The following MAF variants were observed in gnomAD, a reference collection of about 807,000 sequenced individuals.
MAF encodes the protein transcription factor Maf.
Under a neutral mutation model 22.0 loss-of-function variants are expected in MAF, and 10 were observed. The ratio of observed to expected loss-of-function variants is 0.45; its 90% CI spans 0.28 to 0.77. The LOEUF (loss-of-function observed/expected upper bound fraction) is 0.77. Ranked by LOEUF, MAF falls within the 30% of genes least tolerant of loss-of-function variation. The pLI is 0.12. For synonymous variants in MAF, 337 were observed against 255.8 expected, an observed-to-expected ratio of 1.32 and a Z score of -3.03; for missense variants, 544 against 548.4, an observed-to-expected ratio of 0.99 and a Z score of 0.08.
the MAF span, among the ~76,000 whole-genome samples, chr16:79,249,379 A>G: frequency 0.45 from 66,922 of 147,664 alleles, 15,663 homozygotes; most frequent in Non-Finnish European, 0.52. Context: ...AGATCATGCC[A>G]CTGCACTCCA....
the MAF span, among the ~76,000 whole-genome samples, chr16:79,279,323 A>T: frequency 2.0e-5 from 3 of 152,296 alleles, no homozygotes; most frequent in South Asian, 6.2e-4. Context: ...AGTGGGAATG[A>T]CAGCAATACC....
At chr16:79,290,061 T>C in the MAF span, among the ~76,000 whole-genome samples, 1 of 152,184 alleles carries the variant, frequency 6.6e-6, no homozygotes, top group East Asian at 1.9e-4. Context: ...TTCACCATGT[T>C]GGCCAGGCAC....
the MAF span, among the ~76,000 whole-genome samples, chr16:79,529,143 A>C: frequency 3.3e-5 from 5 of 152,186 alleles, no homozygotes; most frequent in Non-Finnish European, 7.3e-5. Context: ...CCTGAAGCAG[A>C]TTGGGATGTG....
At chr16:79,280,131 C>G in the MAF span, among the ~76,000 whole-genome samples, 2 of 152,226 alleles carry the variant, frequency 1.3e-5, no homozygotes, top group Non-Finnish European at 2.9e-5. Context: ...ATTTTCAGCT[C>G]TCTTTAAGAA....
chr16:79,416,159 C>T, the MAF span, among the ~76,000 whole-genome samples: 4 of 152,108 alleles, frequency 2.6e-5, no homozygotes, highest in Non-Finnish European at 4.4e-5. Context: ...GGAAGTGGGG[C>T]GATTGCTCAC....
the MAF span, among the ~76,000 whole-genome samples, chr16:79,575,981 AG>A: frequency 6.6e-6 from 1 of 152,080 alleles, no homozygotes; most frequent in Non-Finnish European, 1.5e-5. Context: ...GAAATCCCAC[AG>A]GGAGCCTATG....
At chr16:79,373,359 C>CTTTTTTTT in the MAF span, among the ~76,000 whole-genome samples, 50 of 33,326 alleles carry the variant, frequency 1.5e-3, 19 homozygotes, top group Non-Finnish European at 2.6e-3. Context: ...GGACTGGTAG[C>CTTTTTTTT]TTTTTTTTTT....
chr16:79,258,888 C>T, the MAF span, among the ~76,000 whole-genome samples: 2 of 152,128 alleles, frequency 1.3e-5, no homozygotes, highest in African/African-American at 2.4e-5. Flanking sequence ...CACTGCTGTG[C>T]GACTAGGGGA....
the MAF span, among the ~76,000 whole-genome samples, chr16:79,541,012 T>C: frequency 6.6e-6 from 1 of 151,854 alleles, no homozygotes; most frequent in African/African-American, 2.4e-5. Flanking sequence ...TTTTTAGCAC[T>C]ACATCACACT....
chr16:79,573,587 T>C, the MAF span, among the ~76,000 whole-genome samples: 1 of 152,226 alleles, frequency 6.6e-6, no homozygotes, highest in Non-Finnish European at 1.5e-5. Flanking sequence ...TATTTGTTTC[T>C]ATATCCTCAG....
chr16:79,330,024 T>G, the MAF span, among the ~76,000 whole-genome samples: 1 of 152,146 alleles, frequency 6.6e-6, no homozygotes, highest in African/African-American at 2.4e-5. Context: ...AAATTCAACC[T>G]TACTGATTAT....
chr16:79,230,016 AAAG>A, the MAF span, among the ~76,000 whole-genome samples: 3 of 152,072 alleles, frequency 2.0e-5, no homozygotes, highest in Non-Finnish European at 2.9e-5. Flanking sequence ...AAAAAGAATA[AAAG>A]CACTACACTG....
At chr16:79,242,769 T>C in the MAF span, among the ~76,000 whole-genome samples, 95 of 151,996 alleles carry the variant, frequency 6.3e-4, 2 homozygotes, top group Non-Finnish European at 1.1e-3. Context: ...CAGCACCACA[T>C]TGCACTTATT....
At chr16:79,415,343 A>ACAGGCAGG in the MAF span, among the ~76,000 whole-genome samples, 4 of 149,836 alleles carry the variant, frequency 2.7e-5, no homozygotes, top group South Asian at 6.5e-4. Flanking sequence ...GGGAGGATGA[A>ACAGGCAGG]CAGGCAGGCA....
intron 1 of MAF, chr16:79,596,881 T>C (rs1913559541): frequency 9.5e-7 from 1 of 1,050,584 alleles, no homozygotes. Context: ...CTAAACAGTT[T>C]TGCAATTTTT....
At chr16:79,562,222 C>A in the MAF span, among the ~76,000 whole-genome samples, 2 of 152,296 alleles carry the variant, frequency 1.3e-5, no homozygotes, top group African/African-American at 2.4e-5. Flanking sequence ...CTTTACGGTA[C>A]TTGGCATAAT....
the MAF span, chr16:79,516,016 GA>G: frequency 7.6e-6 from 1 of 131,606 alleles, no homozygotes; most frequent in East Asian, 2.5e-4. Flanking sequence ...CCAGAGAGAT[GA>G]AGCTCCTGGC....
the MAF span, among the ~76,000 whole-genome samples, chr16:79,512,535 G>A: frequency 6.6e-6 from 1 of 152,006 alleles, no homozygotes; most frequent in Non-Finnish European, 1.5e-5. Flanking sequence ...GGCTCCACCT[G>A]GACCCCCAGC....
chr16:79,319,680 A>G, the MAF span, among the ~76,000 whole-genome samples: 1 of 149,870 alleles, frequency 6.7e-6, no homozygotes, highest in Non-Finnish European at 1.5e-5. Context: ...GTATTTGCAT[A>G]TTCATTTCTC....
Sources: gnomAD v4.1 joint callset for allele counts (sites outside exome capture counted in the v4.1 genomes callset) on GRCh38, gnomAD v4.1.1 for gene constraint, MANE v1.5 for transcripts, NCBI Gene and HGNC (gene_info 2026-07-23, HGNC 2026-07-21) for gene names.